The following TRERF1 variants were observed in gnomAD, a reference collection of about 807,000 sequenced individuals.
TRERF1 encodes the protein transcriptional regulating factor 1.
A neutral mutation model predicts 122.9 loss-of-function variants in TRERF1; 27 were observed. That is an observed-to-expected ratio of 0.22 (90% confidence interval 0.16 to 0.30). The LOEUF (loss-of-function observed/expected upper bound fraction) is 0.30. Ranked by LOEUF, TRERF1 falls within the 10% of genes least tolerant of loss-of-function variation. TRERF1 has a pLI of 1.00. For missense variants in TRERF1, 1,248 were observed against 1,560.3 expected (o/e 0.80, Z 3.37); for synonymous variants, 636 against 641.7 (o/e 0.99, Z 0.13).
At chr6:42,281,615 C>T (rs1383499064) in intron 4 of TRERF1, among the ~76,000 whole-genome samples, 1 of 152,204 alleles carries the variant, frequency 6.6e-6, no homozygotes, top group African/African-American at 2.4e-5. Flanking sequence ...TCCCCTTCTC[C>T]AGACCAGCTG....
At chr6:42,279,079 G>A (rs529561229) in intron 4 of TRERF1, among the ~76,000 whole-genome samples, 17 of 152,314 alleles carry the variant, frequency 1.1e-4, no homozygotes, top group Non-Finnish European at 2.2e-4. Context: ...TGTCACAAGG[G>A]GAAGGCAGAG....
chr6:42,286,548 T>C (rs1409470521), intron 4 of TRERF1, among the ~76,000 whole-genome samples: 3 of 141,890 alleles, frequency 2.1e-5, no homozygotes, highest in Non-Finnish European at 4.6e-5. Flanking sequence ...AAAACGCTCA[T>C]CATCACTGGC....
At chr6:42,390,127 G>A (rs1367157706) in intron 2 of TRERF1, among the ~76,000 whole-genome samples, 7 of 152,210 alleles carry the variant, frequency 4.6e-5, no homozygotes, top group Admixed American at 2.6e-4. Flanking sequence ...AAAAAGTGTC[G>A]GGGGAGAATT....
At chr6:42,245,266 G>A (rs752750785) in intron 14 of TRERF1, among the ~76,000 whole-genome samples, 7 of 152,262 alleles carry the variant, frequency 4.6e-5, no homozygotes, top group Non-Finnish European at 1.0e-4. Context: ...GGCAGCAAAG[G>A]CATGGCAGCC....
At position 42,238,870 on chromosome 6, in the gene TRERF1, C is replaced by CACACACACAA. The variant is rs1554124320; in HGVS notation, c.2860-2460_2860-2459insTTGTGTGTGT. On this transcript the variant is annotated intron_variant, in intron 15 of 17. Transcript: ENST00000372922. ...ACACACACACACACACACACACACA[C>CACACACACAA]AATTTCTAGTTCTCATAACACTGTA... 1.5e-3 allele frequency among the ~76,000 whole-genome samples: 220 copies of CACACACACAA among 148,988 alleles called. 1 individual carries two copies. The highest frequency in any genetic ancestry group is 0.01 in the Middle Eastern group (3 of 290).
Position 42,262,612 on chromosome 6 carries a change from A to AGAGAGAGAGAGAGAAAGAG in TRERF1, c.1884+707_1884+708insCTCTTTCTCTCTCTCTCTC, listed in dbSNP as rs1169414320. ...GAGAGAGAGAGAGACAGACAGACGG[A>AGAGAGAGAGAGAGAAAGAG]AACCCTTCCCAGAGGCAAATTAAGC... On this transcript the variant is annotated intron_variant, in intron 8 of 17. Transcript: ENST00000372922. Among the ~76,000 whole-genome samples, 5 of 116,220 alleles carry AGAGAGAGAGAGAGAAAGAG rather than the reference A, an allele frequency of 4.3e-5. 1 individual carries two copies. Among genetic ancestry groups the AGAGAGAGAGAGAGAAAGAG allele is most frequent in the Non-Finnish European group, 9.1e-5 (5 of 55,042 alleles). The allele number at this position is 116,220 out of a possible 152,430, so 76.2% of individuals were successfully genotyped here. A position where few individuals can be genotyped will look rare whatever the true frequency, so the allele number is the denominator to read the frequency against.
intron 2 of TRERF1, among the ~76,000 whole-genome samples, chr6:42,403,931 A>AC (rs1554205015): frequency 0.014 from 2,118 of 148,050 alleles, 34 homozygotes; most frequent in African/African-American, 0.047. Flanking sequence ...ATTCCATGAG[A>AC]CCCCCCCCAG....
At chr6:42,356,192 G>A (rs1205601180) in intron 3 of TRERF1, among the ~76,000 whole-genome samples, 1 of 152,176 alleles carries the variant, frequency 6.6e-6, no homozygotes, top group African/African-American at 2.4e-5. Context: ...CAGGGCCCCT[G>A]GACCAGTGAC....
chr6:42,265,742 T>A lies in TRERF1; in HGVS notation c.1484+9A>T, dbSNP rs1183384344. 1.2e-6 allele frequency: 2 copies of A among 1,612,426 alleles called. No individual in the cohort carries two copies. The highest frequency in any genetic ancestry group is 1.7e-5 in the Admixed American group (1 of 59,828). On this transcript the variant is annotated intron_variant, in intron 6 of 17. Coordinates refer to ENST00000372922, the Ensembl canonical transcript of TRERF1. ...TCCCAAAATACCAACAAGGTTCCAC[T>A]CATCCTACCTTGACTCAGGGGACCC...
intron 2 of TRERF1, among the ~76,000 whole-genome samples, chr6:42,404,808 A>G (rs1779936064): frequency 6.6e-6 from 1 of 152,206 alleles, no homozygotes; most frequent in Non-Finnish European, 1.5e-5. Flanking sequence ...TCTTACTAGG[A>G]AACTCTCACT....
chr6:42,417,843 G>A (rs1782067051), intron 2 of TRERF1, among the ~76,000 whole-genome samples: 1 of 152,206 alleles, frequency 6.6e-6, no homozygotes, highest in African/African-American at 2.4e-5. Flanking sequence ...TCAAAGAAAT[G>A]GCTAGCTGCG....
At chr6:42,410,779 T>C (rs1038573394) in intron 2 of TRERF1, among the ~76,000 whole-genome samples, 2 of 152,198 alleles carry the variant, frequency 1.3e-5, no homozygotes, top group East Asian at 3.9e-4. Flanking sequence ...GGCTACTGGA[T>C]GGTAGATGTG....
At chr6:42,437,983 G>A (rs1303705402) in intron 2 of TRERF1, among the ~76,000 whole-genome samples, 6 of 151,840 alleles carry the variant, frequency 4.0e-5, no homozygotes, top group Admixed American at 2.6e-4. Flanking sequence ...GTGCAATGGC[G>A]TGATCTCAGC....
At chr6:42,339,308 C>T (rs1204543499) in intron 3 of TRERF1, among the ~76,000 whole-genome samples, 3 of 152,210 alleles carry the variant, frequency 2.0e-5, no homozygotes, top group Non-Finnish European at 4.4e-5. Context: ...ATCTGCTTCA[C>T]CTCCTTGCCT....
chr6:42,269,255 G>T lies in TRERF1; in HGVS notation c.336C>A (p.Ala112=). 2 of 1,614,196 alleles carry T rather than the reference G, an allele frequency of 1.2e-6. No homozygotes were observed. Among genetic ancestry groups the T allele is most frequent in the Non-Finnish European group, 1.7e-6 (2 of 1,180,028 alleles). ...GGTAGCCATCAGTGGGCTCAGCCTG[G>T]GCTGGTGCCCCCCACATCATGTTTG... is the stretch of plus-strand genomic sequence containing the variant. The change falls in exon 5 of 18, where the codon GCC becomes GCA. Residue 112 remains alanine, a synonymous_variant. Transcript: ENST00000372922. This position sits in a 1 kb window ranked among gnomAD's most constrained non-coding sequence, Gnocchi z 4.9.
At chr6:42,408,427 G>A (rs1238392536) in intron 2 of TRERF1, among the ~76,000 whole-genome samples, 7 of 131,366 alleles carry the variant, frequency 5.3e-5, no homozygotes, top group Non-Finnish European at 9.3e-5. Flanking sequence ...TGCCCAGGCT[G>A]GAGTGCAGTG....
At chr6:42,347,042 T>C (rs1768432211) in intron 3 of TRERF1, among the ~76,000 whole-genome samples, 1 of 152,232 alleles carries the variant, frequency 6.6e-6, no homozygotes, top group African/African-American at 2.4e-5. Flanking sequence ...CACTATCCTT[T>C]ATTCCACTGT....
At chr6:42,401,482 G>A (rs1779381813) in intron 2 of TRERF1, among the ~76,000 whole-genome samples, 1 of 152,164 alleles carries the variant, frequency 6.6e-6, no homozygotes, top group African/African-American at 2.4e-5. Context: ...TTTTACGGAT[G>A]AGGTAACTGA....
chr6:42,261,404 G>A (rs1777843736), intron 8 of TRERF1, among the ~76,000 whole-genome samples: 1 of 152,198 alleles, frequency 6.6e-6, no homozygotes, highest in Admixed American at 6.5e-5. Flanking sequence ...GAGCCACTGG[G>A]CAAGAGAAGC....
Sources: allele counts gnomAD v4.1 joint callset (sites outside exome capture counted in the v4.1 genomes callset), GRCh38; gene constraint gnomAD v4.1.1; non-coding constraint Gnocchi (gnomAD v3.1); transcripts MANE v1.5; gene names NCBI Gene and HGNC (gene_info 2026-07-23, HGNC 2026-07-21).